Variants in PECAM1 observed in about 807,000 individuals in gnomAD.
PECAM1 encodes platelet and endothelial cell adhesion molecule 1, also known as platelet endothelial cell adhesion molecule.
In PECAM1, 8 loss-of-function variants were observed where a neutral mutation model predicts 13.8. The ratio of observed to expected loss-of-function variants is 0.58; its 90% CI spans 0.34 to 1.05. The LOEUF (loss-of-function observed/expected upper bound fraction) is 1.05, where lower values mean the gene tolerates loss of function less well. Among genes scored for constraint, PECAM1 ranks in the 50% least tolerant of loss-of-function variants. PECAM1 has a pLI of 0.03. For synonymous variants in PECAM1, 136 were observed against 52.6 expected (o/e 2.58, Z -6.86); for missense variants, 304 against 141.2 (o/e 2.15, Z -5.84).
intron 4 of PECAM1, among the ~76,000 whole-genome samples, chr17:64,371,722 C>CA (rs2036243658): frequency 6.6e-6 from 1 of 151,890 alleles, no homozygotes; most frequent in Non-Finnish European, 1.5e-5. Flanking sequence ...GCCAGCTACT[C>CA]AGGAGGCTGA....
At chr17:64,374,984 G>C (rs928006918) in intron 4 of PECAM1, 67 bp downstream of exon 4, 3 of 446,046 alleles carry the variant, frequency 6.7e-6, no homozygotes, top group East Asian at 6.5e-5. Context: ...TCCCAGTTCT[G>C]GGTTCTTTCT....
intron 14 of PECAM1, among the ~76,000 whole-genome samples, chr17:64,338,934 G>C (rs1410102639): frequency 6.6e-6 from 1 of 152,130 alleles, no homozygotes; most frequent in Non-Finnish European, 1.5e-5. Flanking sequence ...TGTGTGATTT[G>C]CGTTATGTAT....
intron 8 of PECAM1, 30 bp from the exon 9 acceptor site, chr17:64,355,070 T>G (rs2035817050): frequency 2.1e-6 from 1 of 473,780 alleles, no homozygotes; most frequent in Middle Eastern, 6.0e-4. Context: ...AAAAATTTTT[T>G]TTGTATATAG....
At chr17:64,362,361 T>C (rs1002129151) in intron 6 of PECAM1, among the ~76,000 whole-genome samples, 11 of 152,192 alleles carry the variant, frequency 7.2e-5, no homozygotes. Context: ...GGAATTTTGA[T>C]ATTCTTGGCC....
Position 64,322,302 on chromosome 17 carries a change from CT to C in PECAM1, c.*1513del, listed in dbSNP as rs1370552766. 1 of 547,500 alleles carries C rather than the reference CT, an allele frequency of 1.8e-6. No homozygotes were observed. Among genetic ancestry groups the C allele is most frequent in the East Asian group, 1.4e-4 (1 of 6,904 alleles). 33.9% of individuals were successfully genotyped at this position (547,500 alleles called of 1,614,324 possible). A position where few individuals can be genotyped will look rare whatever the true frequency, so the allele number is the denominator to read the frequency against. ...TCGGGAGGCTGAGACAGGAGAACTG[CT>C]TGAACCCAGGAGGCGGAGGTTGCAG... On this transcript the variant is annotated 3_prime_UTR_variant, in exon 16 of 16. Coordinates refer to ENST00000563924, the MANE Select transcript of PECAM1 (RefSeq NM_000442.5).
At chr17:64,378,148 C>T (rs1464975664) in intron 2 of PECAM1, 31 bp from the exon 3 acceptor site, 7 of 466,252 alleles carry the variant, frequency 1.5e-5, no homozygotes, top group African/African-American at 1.2e-4. Context: ...GGCAGACATA[C>T]CTGTTATCTC....
intron 14 of PECAM1, among the ~76,000 whole-genome samples, chr17:64,331,062 T>A (rs769362114): frequency 1.1e-4 from 17 of 152,306 alleles, no homozygotes; most frequent in Non-Finnish European, 2.1e-4. Context: ...TTCATACTAT[T>A]TTGTCAATCC....
At position 64,324,420 on chromosome 17, in the gene PECAM1, T is replaced by C. The variant is rs549428103; in HGVS notation, c.2188-575A>G. 5.9e-5 allele frequency among the ~76,000 whole-genome samples: 9 copies of C among 152,292 alleles called. No individual in the cohort carries two copies. The South Asian group carries it at 1.9e-3, about 32-fold the overall frequency. On this transcript the variant is annotated intron_variant, in intron 15 of 15. Coordinates refer to ENST00000563924, the MANE Select transcript of PECAM1 (RefSeq NM_000442.5). The stretch of plus-strand genomic sequence containing the variant: ...CTCCATGCCTGCTCTGTAGGGACCA[T>C]AGCCTCTGTCCCTGCATACATGTTG...
chr17:64,321,763 C>T lies in PECAM1; in HGVS notation c.*2053G>A, dbSNP rs188029518. 3.4e-4 allele frequency: 439 copies of T among 1,276,602 alleles called. 1 individual carries two copies. In the African/African-American group the frequency reaches 6.2e-3, roughly 18 times the overall value. 79.1% of individuals were successfully genotyped at this position (1,276,602 alleles called of 1,614,324 possible). On this transcript the variant is annotated 3_prime_UTR_variant, in exon 16 of 16. Coordinates refer to ENST00000563924, the MANE Select transcript of PECAM1 (RefSeq NM_000442.5). ...GCAACAGAGCAAGCCCCTGTCTCAA[C>T]AAAACAAAACAAAACAAAAAATTCA...
intron 14 of PECAM1, among the ~76,000 whole-genome samples, chr17:64,339,122 C>T (rs2035361567): frequency 3.9e-5 from 6 of 152,226 alleles, no homozygotes; most frequent in African/African-American, 9.6e-5. Context: ...TCACAGACTT[C>T]GCTGGAGGCC....
chr17:64,372,952 T>A (rs2036274585), intron 4 of PECAM1, among the ~76,000 whole-genome samples: 1 of 150,686 alleles, frequency 6.6e-6, no homozygotes, highest in Non-Finnish European at 1.5e-5. Flanking sequence ...CCATCTCAAC[T>A]AAAAATACAA....
At chr17:64,367,442 C>T (rs1392313535) in intron 5 of PECAM1, among the ~76,000 whole-genome samples, 4 of 151,068 alleles carry the variant, frequency 2.6e-5, no homozygotes, top group Admixed American at 6.6e-5. Flanking sequence ...CCCAGCTACT[C>T]GGGAGGCTGA....
chr17:64,375,575 A>G (rs2036338413), intron 3 of PECAM1, among the ~76,000 whole-genome samples: 1 of 151,952 alleles, frequency 6.6e-6, no homozygotes, highest in South Asian at 2.1e-4. Flanking sequence ...AATATATAAA[A>G]TCTGGAGGCT....
chr17:64,387,317 G>A (rs2036616014), intron 2 of PECAM1, among the ~76,000 whole-genome samples: 1 of 152,100 alleles, frequency 6.6e-6, no homozygotes, highest in Non-Finnish European at 1.5e-5. Flanking sequence ...GCTGGGAGGC[G>A]AGGCGTGTCT....
At chr17:64,354,181 A>G (rs1002158823) in intron 9 of PECAM1, among the ~76,000 whole-genome samples, 9 of 152,088 alleles carry the variant, frequency 5.9e-5, no homozygotes, top group African/African-American at 2.2e-4. Context: ...ACCTCAAGTG[A>G]TCTGCCTGCC....
chr17:64,360,111 T>C lies in PECAM1; in HGVS notation c.1492+29A>G, dbSNP rs1375027307. ...CGTGAAAGAATGCCCCAAGCCCACA[T>C]GATTTCTTCTCACAGCACAGCAACT... On this transcript the variant is annotated intron_variant, in intron 7 of 15. Transcript: ENST00000563924. 1.0e-4 allele frequency: 49 copies of C among 475,326 alleles called. No individual in the cohort carries two copies. The East Asian group carries it at 1.5e-3, about 15-fold the overall frequency. The allele number at this position is 475,326 out of a possible 1,614,324, so 29.4% of individuals were successfully genotyped here. A position where few individuals can be genotyped will look rare whatever the true frequency, so the allele number is the denominator to read the frequency against.
intron 7 of PECAM1, among the ~76,000 whole-genome samples, chr17:64,359,315 GC>G (rs2035920052): frequency 6.6e-6 from 1 of 152,102 alleles, no homozygotes; most frequent in African/African-American, 2.4e-5. Flanking sequence ...CTTCTGAGAG[GC>G]ATGAGATAGA....
chr17:64,346,107 C>G (rs2035561190), intron 13 of PECAM1, among the ~76,000 whole-genome samples: 2 of 152,028 alleles, frequency 1.3e-5, no homozygotes, highest in Admixed American at 6.6e-5. Flanking sequence ...GGAAAACTAC[C>G]CCAGGCCTGC....
At chr17:64,351,791 T>G (rs2035730807) in intron 11 of PECAM1, among the ~76,000 whole-genome samples, 1 of 152,346 alleles carries the variant, frequency 6.6e-6, no homozygotes, top group South Asian at 2.1e-4. Flanking sequence ...TAGCCCCCTC[T>G]GGGAAGTAAG....
Sources: allele counts gnomAD v4.1 joint callset (sites outside exome capture counted in the v4.1 genomes callset), GRCh38; gene constraint gnomAD v4.1.1; transcripts MANE v1.5; gene names NCBI Gene and HGNC (gene_info 2026-07-23, HGNC 2026-07-21).